The following NRXN3 variants were observed in gnomAD, a reference collection of about 807,000 sequenced individuals.
NRXN3 encodes neurexin III.
Under a neutral mutation model 137.6 loss-of-function variants are expected in NRXN3, and 32 were observed. The observed-to-expected ratio is 0.23, with a 90% CI of 0.18 to 0.31. NRXN3 has a LOEUF of 0.31. NRXN3 is among the 10% of genes least tolerant of loss of function. The pLI is 1.00. For synonymous variants in NRXN3, 798 were observed against 784.5 expected (o/e 1.02, Z -0.29); for missense variants, 1,574 against 2,062.5 (o/e 0.76, Z 4.59).
intron 16 of NRXN3, among the ~76,000 whole-genome samples, chr14:79,523,879 G>A (rs1456656764): frequency 6.6e-6 from 1 of 152,144 alleles, no homozygotes; most frequent in East Asian, 1.9e-4. Flanking sequence ...TCTTTAAAGT[G>A]GAAGACCCTT....
chr14:78,587,811 T>C (rs2097080444), intron 4 of NRXN3, among the ~76,000 whole-genome samples: 1 of 152,182 alleles, frequency 6.6e-6, no homozygotes, highest in African/African-American at 2.4e-5. Context: ...TGTTGGGCCT[T>C]TGTCATATTT....
At chr14:78,840,158 A>G (rs2099008174) in intron 10 of NRXN3, among the ~76,000 whole-genome samples, 1 of 152,186 alleles carries the variant, frequency 6.6e-6, no homozygotes, top group South Asian at 2.1e-4. Context: ...ATTAAGTAGG[A>G]ATGGACATAA....
At chr14:78,534,909 C>T (rs2096518203) in intron 4 of NRXN3, among the ~76,000 whole-genome samples, 1 of 152,104 alleles carries the variant, frequency 6.6e-6, no homozygotes, top group Non-Finnish European at 1.5e-5. Context: ...GTTGTTTGTA[C>T]ATTAACAATA....
At chr14:79,751,286 C>T (rs1365663135) in intron 19 of NRXN3, among the ~76,000 whole-genome samples, 1 of 152,174 alleles carries the variant, frequency 6.6e-6, no homozygotes, top group Admixed American at 6.5e-5. Flanking sequence ...AGGTCCTTCA[C>T]ATCCCTTGTA....
chr14:79,676,205 C>T (rs1457153486), intron 17 of NRXN3, among the ~76,000 whole-genome samples: 1 of 151,930 alleles, frequency 6.6e-6, no homozygotes. Context: ...TGGCTCAGCC[C>T]ACTTCATGCT....
At chr14:78,691,031 G>A (rs1200958763) in intron 6 of NRXN3, among the ~76,000 whole-genome samples, 2 of 152,150 alleles carry the variant, frequency 1.3e-5, no homozygotes, top group African/African-American at 4.8e-5. Context: ...GACAGAAAAT[G>A]AGTCTGAAAA....
At chr14:79,375,227 GTTTTTGTGTTTTT>G (rs1445192452) in intron 15 of NRXN3, among the ~76,000 whole-genome samples, 1 of 116,570 alleles carries the variant, frequency 8.6e-6, no homozygotes, top group Non-Finnish European at 1.8e-5. Flanking sequence ...GTACTTTTGA[GTTTTTGTGTTTTT>G]TTTTTTTTTT....
At chr14:78,912,128 T>A (rs1403279676) in intron 10 of NRXN3, among the ~76,000 whole-genome samples, 2 of 151,420 alleles carry the variant, frequency 1.3e-5, no homozygotes, top group African/African-American at 2.4e-5. Context: ...TGTCCATGTG[T>A]TCTCATTGTT....
At chr14:79,509,399 C>T (rs993738783) in intron 16 of NRXN3, among the ~76,000 whole-genome samples, 6 of 151,812 alleles carry the variant, frequency 4.0e-5, no homozygotes, top group Non-Finnish European at 5.9e-5. Context: ...GCCTGTAGTC[C>T]CAGCTACTTG....
intron 10 of NRXN3, among the ~76,000 whole-genome samples, chr14:78,855,693 C>G (rs907973379): frequency 3.3e-4 from 50 of 152,256 alleles, no homozygotes; most frequent in African/African-American, 1.2e-3. Flanking sequence ...GTGTATCTGA[C>G]AGTATTTTTC....
intron 16 of NRXN3, among the ~76,000 whole-genome samples, chr14:79,521,134 T>C (rs1231528988): frequency 6.6e-6 from 1 of 152,212 alleles, no homozygotes; most frequent in Non-Finnish European, 1.5e-5. Context: ...GTCTTTGTCT[T>C]TTAATAGGTA....
In NRXN3 at chr14:78,383,825, C is replaced by T. The variant is rs1272615815; in HGVS notation, c.757+85965C>T. 4.6e-5 allele frequency among the ~76,000 whole-genome samples: 7 copies of T among 152,218 alleles called. No homozygotes were observed. The East Asian group carries it at 1.4e-3, about 29-fold the overall frequency. Reference sequence around the variant, plus strand: ...GGTACTCAGTAAGTGTTAATCCTTGCCTTTGCCCAATTTCCCACCTAGGAG... The same window carrying T: ...GGTACTCAGTAAGTGTTAATCCTTGTCTTTGCCCAATTTCCCACCTAGGAG... On this transcript the variant is annotated intron_variant, in intron 4 of 20. Coordinates refer to ENST00000335750, the MANE Select transcript of NRXN3 (RefSeq NM_001330195.2).
chr14:79,441,531 C>T lies in NRXN3; in HGVS notation c.3263-25690C>T, dbSNP rs998552698. Among the ~76,000 whole-genome samples the T allele has an allele frequency of 2.9e-4, 44 of 151,854 alleles. 1 individual carries two copies. Among genetic ancestry groups the T allele is most frequent in the East Asian group, 1.9e-4 (1 of 5,134 alleles). The stretch of plus-strand genomic sequence containing the variant: ...AGTAGCTGGAACTACAGGCGCCCGC[C>T]ACCGCACCCGGCTAATTTGTTTGTA... On this transcript the variant is annotated intron_variant, in intron 15 of 20. Coordinates refer to ENST00000335750, the MANE Select transcript of NRXN3 (RefSeq NM_001330195.2).
intron 1 of NRXN3, among the ~76,000 whole-genome samples, chr14:78,171,765 C>T (rs2058747123): frequency 6.6e-6 from 1 of 151,834 alleles, no homozygotes. Flanking sequence ...TTCCCTTCCT[C>T]CATTAAATGT....
Position 79,504,655 on chromosome 14 carries a change from G to GTATATATATATATATATATA in NRXN3, c.3444+37254_3444+37273dup, listed in dbSNP as rs994714026. Among the ~76,000 whole-genome samples the GTATATATATATATATATATA allele has an allele frequency of 2.6e-3, 266 of 104,208 alleles. 3 individuals carry two copies. The highest frequency in any genetic ancestry group is 8.7e-3 in the African/African-American group (253 of 29,176). 68.4% of individuals were successfully genotyped at this position (104,208 alleles called of 152,430 possible). On this transcript the variant is annotated intron_variant, in intron 16 of 20. Transcript: ENST00000335750. ...AATGAAGTTTTTTATATATATATAT[G>GTATATATATATATATATATA]TATATATATATATATATATAAAACA...
At chr14:79,404,476 C>T (rs1310151543) in intron 15 of NRXN3, among the ~76,000 whole-genome samples, 4 of 151,938 alleles carry the variant, frequency 2.6e-5, no homozygotes, top group Non-Finnish European at 5.9e-5. Flanking sequence ...ATTCCACACT[C>T]GAGAAAACCC....
chr14:78,937,078 C>G (rs1236295161), intron 10 of NRXN3, among the ~76,000 whole-genome samples: 1 of 150,816 alleles, frequency 6.6e-6, no homozygotes, highest in Non-Finnish European at 1.5e-5. Context: ...AAAAATTAGC[C>G]AGGTGTGGTG....
chr14:78,238,810 C>G (rs2066691713), intron 1 of NRXN3, among the ~76,000 whole-genome samples: 1 of 152,172 alleles, frequency 6.6e-6, no homozygotes, highest in Non-Finnish European at 1.5e-5. Context: ...CAGTGCTGGT[C>G]TGGGCTGGAG....
intron 15 of NRXN3, among the ~76,000 whole-genome samples, chr14:79,291,076 T>C (rs939016164): frequency 1.3e-5 from 2 of 152,186 alleles, no homozygotes; most frequent in Non-Finnish European, 2.9e-5. Context: ...TATTGTTTAT[T>C]TTTTCCAGGA....
Sources: gnomAD v4.1 joint callset for allele counts (sites outside exome capture counted in the v4.1 genomes callset) on GRCh38, gnomAD v4.1.1 for gene constraint, MANE v1.5 for transcripts, NCBI Gene and HGNC (gene_info 2026-07-23, HGNC 2026-07-21) for gene names.